CHN1: variants seen among roughly 807,000 people sequenced by gnomAD.
CHN1 encodes N-chimaerin.
In CHN1, 37 loss-of-function variants were observed where a neutral mutation model predicts 59.5. The observed-to-expected ratio is 0.62, with a 90% CI of 0.48 to 0.82. CHN1 has a LOEUF of 0.82. Ranked by LOEUF, CHN1 falls within the 40% of genes least tolerant of loss-of-function variation. The pLI is 0.00. For synonymous variants in CHN1, 206 were observed against 200.4 expected, an observed-to-expected ratio of 1.03 and a Z score of -0.24; for missense variants, 469 against 571.0, an observed-to-expected ratio of 0.82 and a Z score of 1.82.
chr2:174,824,519 C>T lies in CHN1; in HGVS notation c.628-1G>A. 6.3e-7 allele frequency: 1 copy of T among 1,579,394 alleles called. No homozygotes were observed. The highest frequency in any genetic ancestry group is 8.6e-7 in the Non-Finnish European group (1 of 1,164,086). ...AGTGTGGCCCTCTGAATGTATGCAC[C>T]TGAAAAAAAAAAAGAGGGGCAAAGT... On this transcript the variant is annotated splice_acceptor_variant, in intron 7 of 12. Coordinates refer to ENST00000409900, the MANE Select transcript of CHN1 (RefSeq NM_001822.7). LOFTEE classifies it high-confidence loss of function.
intron 5 of CHN1, among the ~76,000 whole-genome samples, chr2:174,884,042 A>C (rs1687820650): frequency 6.8e-6 from 1 of 146,388 alleles, no homozygotes; most frequent in Non-Finnish European, 1.5e-5. Flanking sequence ...ATCTCAGCTC[A>C]CTGCAAGCTC....
intron 5 of CHN1, among the ~76,000 whole-genome samples, chr2:174,902,352 G>C (rs1195839604): frequency 2.0e-5 from 3 of 151,722 alleles, no homozygotes; most frequent in African/African-American, 7.3e-5. Context: ...CCTGAGCAAG[G>C]GTACCTCACA....
chr2:174,922,954 G>C (rs909624723), intron 3 of CHN1, among the ~76,000 whole-genome samples: 1 of 152,084 alleles, frequency 6.6e-6, no homozygotes, highest in African/African-American at 2.4e-5. Flanking sequence ...GGCATAAATA[G>C]AGATCTGGAA....
At chr2:174,857,716 G>A (rs1686948727) in intron 6 of CHN1, among the ~76,000 whole-genome samples, 1 of 151,966 alleles carries the variant, frequency 6.6e-6, no homozygotes, top group South Asian at 2.1e-4. Flanking sequence ...GGGATACTTG[G>A]GGAAATGTGC....
chr2:174,963,657 C>T (rs79213368), intron 1 of CHN1, among the ~76,000 whole-genome samples: 4,157 of 152,264 alleles, frequency 0.027, 188 homozygotes, highest in African/African-American at 0.095. Flanking sequence ...AAATAACGCA[C>T]TATGAGTTCT....
At chr2:174,927,673 A>G (rs1689217284) in intron 3 of CHN1, among the ~76,000 whole-genome samples, 1 of 152,232 alleles carries the variant, frequency 6.6e-6, no homozygotes, top group South Asian at 2.1e-4. Context: ...AAAATTCTGC[A>G]GGTAATGCCA....
At chr2:174,876,828 G>C (rs1305349221) in intron 6 of CHN1, among the ~76,000 whole-genome samples, 2 of 152,080 alleles carry the variant, frequency 1.3e-5, no homozygotes, top group African/African-American at 4.8e-5. Flanking sequence ...AGTGCTGATG[G>C]AGCATTTTAC....
rs778392649 is a variant in CHN1 at position 174,824,412 on chromosome 2, GAGACA to G, written c.712+17_712+21del. On this transcript the variant is annotated intron_variant, in intron 8 of 12. Transcript: ENST00000409900. Reference sequence around the variant, plus strand: ...ATAACTTCACAACTGACTCAATCCAGAGACAAGACAAGAGCTCTTACCTGCACATT... The same window carrying G: ...ATAACTTCACAACTGACTCAATCCAGAGACAAGAGCTCTTACCTGCACATT... 53 of 1,566,552 alleles carry G rather than the reference GAGACA, an allele frequency of 3.4e-5. No homozygotes were observed. The Middle Eastern group carries it at 6.7e-4, about 20-fold the overall frequency.
intron 1 of CHN1, among the ~76,000 whole-genome samples, chr2:174,998,867 T>A (rs989850672): frequency 1.3e-5 from 2 of 152,218 alleles, no homozygotes; most frequent in Non-Finnish European, 2.9e-5. Context: ...TTCTATCTAA[T>A]CTTTGTTTTT....
intron 8 of CHN1, among the ~76,000 whole-genome samples, chr2:174,814,233 T>C (rs115316445): frequency 0.013 from 1,918 of 152,288 alleles, 23 homozygotes; most frequent in Non-Finnish European, 0.021. Flanking sequence ...CCAAAAGTTA[T>C]CACCCCTAAG....
At chr2:174,963,111 A>G (rs373716790) in intron 1 of CHN1, among the ~76,000 whole-genome samples, 2 of 152,206 alleles carry the variant, frequency 1.3e-5, no homozygotes, top group African/African-American at 2.4e-5. Flanking sequence ...AAATAATCAG[A>G]AAGTTTCATT....
intron 6 of CHN1, among the ~76,000 whole-genome samples, chr2:174,865,600 T>C (rs1481591044): frequency 1.3e-5 from 2 of 152,172 alleles, no homozygotes; most frequent in Non-Finnish European, 2.9e-5. Flanking sequence ...TCAATAAATG[T>C]TAGTTATTTC....
At chr2:174,811,479 T>C in intron 10 of CHN1, 32 bp downstream of exon 10, 1 of 1,489,676 alleles carries the variant, frequency 6.7e-7, no homozygotes, top group Non-Finnish European at 9.3e-7. Context: ...AGTATTATTG[T>C]CCTAAGTTAT....
At position 174,911,602 on chromosome 2, in the gene CHN1, G is replaced by A. The variant is rs543721253; in HGVS notation, c.260+3456C>T. On this transcript the variant is annotated intron_variant, in intron 5 of 12. Coordinates refer to ENST00000409900, the MANE Select transcript of CHN1 (RefSeq NM_001822.7). The stretch of plus-strand genomic sequence containing the variant: ...ATGGGGCATGGAAGAAGATGCAAAT[G>A]AAGAGCAAAAAATATCTCACCCATA... 5.3e-5 allele frequency among the ~76,000 whole-genome samples: 8 copies of A among 152,316 alleles called. No homozygotes were observed. In the East Asian group the frequency reaches 1.5e-3, roughly 29 times the overall value.
chr2:175,005,009 G>C lies in CHN1; in HGVS notation c.-97C>G. 1 of 1,490,986 alleles carries C rather than the reference G, an allele frequency of 6.7e-7. No individual in the cohort carries two copies. Among genetic ancestry groups the C allele is most frequent in the South Asian group, 1.2e-5 (1 of 80,570 alleles). The allele number at this position is 1,490,986 out of a possible 1,614,324, so 92.4% of individuals were successfully genotyped here. On this transcript the variant is annotated 5_prime_UTR_variant, in exon 1 of 13. Transcript: ENST00000409900. ...CCGCCGCACCCACACCTCGGAGAGA[G>C]TGGGGTGCCCGATGGGGCGTGCTGG...
At chr2:174,985,278 T>C (rs1296595709) in intron 1 of CHN1, among the ~76,000 whole-genome samples, 1 of 152,108 alleles carries the variant, frequency 6.6e-6, no homozygotes, top group Non-Finnish European at 1.5e-5. Flanking sequence ...ATCATTCCCT[T>C]CCCTAATGAC....
At chr2:174,951,323 G>A (rs1333341304) in intron 2 of CHN1, among the ~76,000 whole-genome samples, 1 of 152,016 alleles carries the variant, frequency 6.6e-6, no homozygotes, top group East Asian at 1.9e-4. Context: ...GAGAACATAA[G>A]ACCAATGAGA....
At chr2:174,877,411 A>T (rs1687600960) in intron 6 of CHN1, among the ~76,000 whole-genome samples, 1 of 152,120 alleles carries the variant, frequency 6.6e-6, no homozygotes, top group Non-Finnish European at 1.5e-5. Flanking sequence ...ACACACACAT[A>T]AAATCTTGCT....
At chr2:174,937,870 C>G (rs558412690) in intron 3 of CHN1, among the ~76,000 whole-genome samples, 1 of 152,216 alleles carries the variant, frequency 6.6e-6, no homozygotes, top group South Asian at 2.1e-4. Flanking sequence ...CTTCGTGAAG[C>G]CTCAGTAGAA....
Sources: gnomAD v4.1 joint callset for allele counts (sites outside exome capture counted in the v4.1 genomes callset) on GRCh38, gnomAD v4.1.1 for gene constraint, MANE v1.5 for transcripts, NCBI Gene and HGNC (gene_info 2026-07-23, HGNC 2026-07-21) for gene names.